The following FARS2 variants were observed in gnomAD, a reference collection of about 807,000 sequenced individuals.
FARS2 encodes the protein phenylalanine--tRNA ligase, mitochondrial.
Under a neutral mutation model 46.4 loss-of-function variants are expected in FARS2, and 40 were observed. That is an observed-to-expected ratio of 0.86 (90% CI 0.67 to 1.12). FARS2 has a LOEUF of 1.12. Among genes scored for constraint, FARS2 ranks in the 50% most tolerant of loss-of-function variants. The pLI is 0.00. For missense variants in FARS2, 513 were observed against 567.9 expected (o/e 0.90, Z 0.98); for synonymous variants, 234 against 214.9 (o/e 1.09, Z -0.78).
At chr6:5,666,921 A>G (rs1261089258) in intron 6 of FARS2, among the ~76,000 whole-genome samples, 2 of 152,230 alleles carry the variant, frequency 1.3e-5, no homozygotes, top group Admixed American at 6.5e-5. Context: ...CTTTGCAGAA[A>G]CATGGACAGA....
chr6:5,396,520 A>G (rs745437701), intron 2 of FARS2, among the ~76,000 whole-genome samples: 3 of 152,228 alleles, frequency 2.0e-5, no homozygotes, highest in Non-Finnish European at 4.4e-5. Context: ...TGATTCTGAA[A>G]GCAGTTTATG....
intron 4 of FARS2, among the ~76,000 whole-genome samples, chr6:5,456,220 A>C (rs1034603871): frequency 5.0e-4 from 43 of 85,348 alleles, no homozygotes; most frequent in Non-Finnish European, 8.8e-4. Flanking sequence ...TCTCAAAAAA[A>C]AACAAAAAGC....
chr6:5,561,680 T>C (rs893945696), intron 5 of FARS2, among the ~76,000 whole-genome samples: 1 of 152,122 alleles, frequency 6.6e-6, no homozygotes, highest in East Asian at 1.9e-4. Context: ...GGTATTTTTG[T>C]TCCGGGATTC....
chr6:5,313,373 C>T (rs1769226632), intron 1 of FARS2, among the ~76,000 whole-genome samples: 1 of 152,188 alleles, frequency 6.6e-6, no homozygotes, highest in South Asian at 2.1e-4. Context: ...CTTAGCTCCT[C>T]TGTCGTACTT....
In FARS2 at chr6:5,280,955, T is replaced by C. The variant is rs570408764; in HGVS notation, c.-22+19295T>C. Among the ~76,000 whole-genome samples, 3 of 152,328 alleles carry C rather than the reference T, an allele frequency of 2.0e-5. No individual in the cohort carries two copies. In the East Asian group the frequency reaches 5.8e-4, roughly 29 times the overall value. On this transcript the variant is annotated intron_variant, in intron 1 of 6. Coordinates refer to ENST00000274680, the MANE Select transcript of FARS2 (RefSeq NM_006567.5). ...TGTATTTTCCTTCCATTTTTAATTTTTGATTTATATTATTTTAATTGTATT... is the reference window on the plus strand; with the variant it reads ...TGTATTTTCCTTCCATTTTTAATTTCTGATTTATATTATTTTAATTGTATT...
intron 6 of FARS2, among the ~76,000 whole-genome samples, chr6:5,735,323 G>A (rs1235633889): frequency 1.3e-5 from 2 of 152,134 alleles, no homozygotes; most frequent in Admixed American, 6.5e-5. Flanking sequence ...CTATTTCCAC[G>A]TCATTTTCCT....
chr6:5,607,285 A>ATGTGTGCG (rs1229800858), intron 5 of FARS2, among the ~76,000 whole-genome samples: 6 of 74,986 alleles, frequency 8.0e-5, no homozygotes, highest in African/African-American at 2.2e-4. Flanking sequence ...AATAATATGT[A>ATGTGTGCG]TGTGTGTGTG....
rs529189607 is a variant in FARS2 at position 5,311,868 on chromosome 6, T to A, written c.-22+50208T>A. 6.6e-6 allele frequency among the ~76,000 whole-genome samples: 1 copy of A among 152,210 alleles called. No individual in the cohort carries two copies. Among genetic ancestry groups the A allele is most frequent in the Non-Finnish European group, 1.5e-5 (1 of 68,026 alleles). ...TTGTTCCACAACTGTAATGTATTTC[T>A]GATTCTCATTGATAATAATATATTA... On this transcript the variant is annotated intron_variant, in intron 1 of 6. Coordinates refer to ENST00000274680, the MANE Select transcript of FARS2 (RefSeq NM_006567.5). The surrounding 1 kb of genome is among the most constrained non-coding windows in gnomAD (Gnocchi z 4.1).
At chr6:5,597,141 CCTT>C (rs1161033972) in intron 5 of FARS2, among the ~76,000 whole-genome samples, 6 of 152,214 alleles carry the variant, frequency 3.9e-5, no homozygotes, top group African/African-American at 7.2e-5. Context: ...GCACTCAGTA[CCTT>C]CTTCTTCTCC....
At chr6:5,333,432 G>T (rs1250075155) in intron 1 of FARS2, among the ~76,000 whole-genome samples, 2 of 152,202 alleles carry the variant, frequency 1.3e-5, no homozygotes, top group Non-Finnish European at 2.9e-5. Flanking sequence ...GGAGTGTGCT[G>T]CTTCTTCCAG....
intron 3 of FARS2, among the ~76,000 whole-genome samples, chr6:5,418,203 C>A (rs1427608652): frequency 6.6e-6 from 1 of 152,048 alleles, no homozygotes; most frequent in Admixed American, 6.6e-5. Flanking sequence ...GCTTTTGATT[C>A]TTCTGTACTT....
intron 6 of FARS2, among the ~76,000 whole-genome samples, chr6:5,634,015 A>G (rs1776423007): frequency 6.6e-6 from 1 of 152,116 alleles, no homozygotes; most frequent in Non-Finnish European, 1.5e-5. Flanking sequence ...GTTTTGTCAT[A>G]TCCAACATTT....
At position 5,548,154 on chromosome 6, in the gene FARS2, C is replaced by T. The variant is rs148414778; in HGVS notation, c.1065+2814C>T. Among the ~76,000 whole-genome samples the T allele has an allele frequency of 9.0e-4, 137 of 152,306 alleles. 2 individuals carry two copies. In the East Asian group the frequency reaches 0.024, roughly 27 times the overall value. ...CTTAATCACTATCACGAGAATAGCA[C>T]AGGAAAGACCGGCCCCTGTGATTCC... On this transcript the variant is annotated intron_variant, in intron 5 of 6. Coordinates refer to ENST00000274680, the MANE Select transcript of FARS2 (RefSeq NM_006567.5).
At chr6:5,467,991 TC>T (rs1765606973) in intron 4 of FARS2, among the ~76,000 whole-genome samples, 1 of 152,212 alleles carries the variant, frequency 6.6e-6, no homozygotes, top group African/African-American at 2.4e-5. Context: ...TTATTCATTT[TC>T]CTGACTGAGA....
At chr6:5,717,825 G>A (rs1199091604) in intron 6 of FARS2, among the ~76,000 whole-genome samples, 1 of 150,910 alleles carries the variant, frequency 6.6e-6, no homozygotes, top group Admixed American at 6.6e-5. Flanking sequence ...TCTAGTAAAT[G>A]CCTCCTAAGA....
intron 2 of FARS2, among the ~76,000 whole-genome samples, chr6:5,390,695 C>T (rs1380545027): frequency 6.6e-6 from 1 of 152,146 alleles, no homozygotes; most frequent in Non-Finnish European, 1.5e-5. Context: ...CTTTGGTTCT[C>T]TTCTATTCCC....
At chr6:5,752,878 C>G (rs142749491) in intron 6 of FARS2, among the ~76,000 whole-genome samples, 2 of 152,076 alleles carry the variant, frequency 1.3e-5, no homozygotes, top group East Asian at 1.9e-4. Context: ...CCCCAAGACC[C>G]CCCCCAGGTC....
In FARS2 at chr6:5,758,404, A is replaced by G. The variant is rs187419459; in HGVS notation, c.1218-12887A>G. Among the ~76,000 whole-genome samples, 98 of 152,332 alleles carry G rather than the reference A, an allele frequency of 6.4e-4. 1 individual carries two copies. The highest frequency in any genetic ancestry group is 3.0e-3 in the Admixed American group (46 of 15,298). ...TTTATAGTGATACATTTAAATAGTC[A>G]TTTATAATTATAAAGTGCCTGAAAA... On this transcript the variant is annotated intron_variant, in intron 6 of 6. Transcript: ENST00000274680.
At chr6:5,650,843 G>A (rs1777324754) in intron 6 of FARS2, among the ~76,000 whole-genome samples, 1 of 152,194 alleles carries the variant, frequency 6.6e-6, no homozygotes, top group Non-Finnish European at 1.5e-5. Flanking sequence ...TGGAGAGGGA[G>A]TGTGCTCCAA....
Sources: gnomAD v4.1 joint callset for allele counts (sites outside exome capture counted in the v4.1 genomes callset) on GRCh38, gnomAD v4.1.1 for gene constraint, Gnocchi (gnomAD v3.1) non-coding constraint, MANE v1.5 for transcripts, NCBI Gene and HGNC (gene_info 2026-07-23, HGNC 2026-07-21) for gene names.